The following DEFB110 variants were observed in gnomAD, a reference collection of about 807,000 sequenced individuals.
DEFB110 encodes defensin beta 110, also known as beta-defensin 110.
DEFB110 carries 4 observed loss-of-function variants against 2.5 expected under a neutral mutation model. That is an observed-to-expected ratio of 1.60 (90% confidence interval 0.79 to 3.66). The LOEUF (loss-of-function observed/expected upper bound fraction) is 3.66. DEFB110 is among the 30% of genes most tolerant of loss of function. The probability of loss-of-function intolerance (pLI) is 0.01; values close to 1 mark genes in which losing one functional copy is unlikely to be tolerated. For missense variants in DEFB110, 94 were observed against 75.4 expected (o/e 1.25, Z -0.91); for synonymous variants, 29 against 21.8 (o/e 1.33, Z -0.92).
intron 1 of DEFB110, among the ~76,000 whole-genome samples, chr6:50,019,908 C>T (rs596450): frequency 6.6e-6 from 1 of 152,046 alleles, no homozygotes; most frequent in Non-Finnish European, 1.5e-5. Context: ...GGCACGCAGA[C>T]ACACCCATTT....
downstream of DEFB110, among the ~76,000 whole-genome samples, chr6:50,015,968 A>T (rs1774308859): frequency 6.6e-6 from 1 of 151,866 alleles, no homozygotes; most frequent in Admixed American, 6.6e-5. Context: ...ATCAGTTTGT[A>T]GTCAATCAAT....
intron 1 of DEFB110, among the ~76,000 whole-genome samples, chr6:50,013,279 T>C (rs1774263033): frequency 6.6e-6 from 1 of 151,808 alleles, no homozygotes; most frequent in African/African-American, 2.4e-5. Context: ...GGCTGGATCT[T>C]TAAAAGATAA....
chr6:50,011,263 G>A (rs1279933821), intron 1 of DEFB110, among the ~76,000 whole-genome samples: 1 of 151,722 alleles, frequency 6.6e-6, no homozygotes, highest in Non-Finnish European at 1.5e-5. Context: ...AAGTGCATGA[G>A]TATTTATGTG....
At chr6:50,011,598 T>C (rs1177667303) in intron 1 of DEFB110, among the ~76,000 whole-genome samples, 1 of 152,020 alleles carries the variant, frequency 6.6e-6, no homozygotes, top group Non-Finnish European at 1.5e-5. Flanking sequence ...AAAAGCGCAG[T>C]GGTCTCCATG....
intron 1 of DEFB110, chr6:50,009,301 T>C (rs752472967): frequency 6.4e-7 from 1 of 1,569,192 alleles, no homozygotes; most frequent in Non-Finnish European, 8.6e-7. Flanking sequence ...CTAAAGTTAT[T>C]AGTCTATTAT....
downstream of DEFB110, chr6:50,018,727 G>A: frequency 1.1e-6 from 1 of 938,934 alleles, no homozygotes; most frequent in South Asian, 4.5e-5. Flanking sequence ...GGAACATGAA[G>A]CACTGAAAAC....
chr6:50,021,939 A>G lies in DEFB110; in HGVS notation c.-4T>C. ...AGAAAAAAAGTTGAATCTTCATGGT[A>G]GAGAGTTTCTTAAAAAAAGGGGGCA... On this transcript the variant is annotated 5_prime_UTR_variant, in exon 1 of 2. Coordinates refer to ENST00000371148, the MANE Select transcript of DEFB110 (RefSeq NM_001037497.2). 6.5e-7 allele frequency: 1 copy of G among 1,544,454 alleles called. No homozygotes were observed. The highest frequency in any genetic ancestry group is 2.4e-5 in the East Asian group (1 of 41,072).
At position 50,021,831 on chromosome 6, in the gene DEFB110, T is replaced by C. The variant is rs201736840; in HGVS notation, c.55+50A>G. The C allele has an allele frequency of 8.2e-5, 122 of 1,482,208 alleles. 1 individual carries two copies. The highest frequency in any genetic ancestry group is 2.3e-4 in the South Asian group (18 of 76,670). The allele number at this position is 1,482,208 out of a possible 1,614,324, so 91.8% of individuals were successfully genotyped here. A position where few individuals can be genotyped will look rare whatever the true frequency, so the allele number is the denominator to read the frequency against. ...ATATTTTTTATCAAGAAACAACTTATGTCTTCTCAAATTTGTTAGTATAAA... is the reference window on the plus strand; with the variant it reads ...ATATTTTTTATCAAGAAACAACTTACGTCTTCTCAAATTTGTTAGTATAAA... On this transcript the variant is annotated intron_variant, in intron 1 of 1. Coordinates refer to ENST00000371148, the MANE Select transcript of DEFB110 (RefSeq NM_001037497.2).
intron 1 of DEFB110, among the ~76,000 whole-genome samples, chr6:50,010,521 G>GT (rs1774209657): frequency 6.9e-6 from 1 of 145,112 alleles, no homozygotes; most frequent in African/African-American, 2.7e-5. Context: ...ATTTTAACAT[G>GT]TTAATATATA....
At chr6:50,013,918 C>T (rs1296869253), downstream of DEFB110, among the ~76,000 whole-genome samples, 1 of 151,832 alleles carries the variant, frequency 6.6e-6, no homozygotes, top group Admixed American at 6.6e-5. Flanking sequence ...TCGTTCTGGA[C>T]AAATTATGAT....
At position 50,018,897 on chromosome 6, in the gene DEFB110, C is replaced by A; in HGVS notation, c.*80G>T. 1.3e-6 allele frequency: 2 copies of A among 1,505,110 alleles called. No individual in the cohort carries two copies. The highest frequency in any genetic ancestry group is 2.3e-5 in the Admixed American group (1 of 43,322). 93.2% of individuals were successfully genotyped at this position (1,505,110 alleles called of 1,614,324 possible). A position where few individuals can be genotyped will look rare whatever the true frequency, so the allele number is the denominator to read the frequency against. ...TTCTTGTGTATTATAGAGACACACA[C>A]GCCTTGAAGGATGTGCTGGGAAAAC... On this transcript the variant is annotated 3_prime_UTR_variant, in exon 2 of 2. Coordinates refer to ENST00000371148, the MANE Select transcript of DEFB110 (RefSeq NM_001037497.2).
Position 50,010,221 on chromosome 6 carries a change from G to C in DEFB110, c.56-950C>G, listed in dbSNP as rs183908225. 4.5e-4 allele frequency among the ~76,000 whole-genome samples: 68 copies of C among 151,934 alleles called. 2 individuals are homozygous for C. The highest frequency in any genetic ancestry group is 1.3e-3 in the African/African-American group (56 of 41,490). On this transcript the variant is annotated intron_variant, in intron 1 of 1. Transcript: ENST00000393660. Reference sequence around the variant, plus strand: ...CATATATGTGTCAGGAAAAAATGAGGCAAAATAATTTTGTTAAAATTTAGA... The same window carrying C: ...CATATATGTGTCAGGAAAAAATGAGCCAAAATAATTTTGTTAAAATTTAGA...
At chr6:50,014,029 A>G (rs1410618892), downstream of DEFB110, among the ~76,000 whole-genome samples, 1 of 151,856 alleles carries the variant, frequency 6.6e-6, no homozygotes, top group Non-Finnish European at 1.5e-5. Context: ...AGGAGAAGTC[A>G]TTGGCATTAA....
chr6:50,020,284 G>C (rs1774396182), intron 1 of DEFB110, among the ~76,000 whole-genome samples: 1 of 152,002 alleles, frequency 6.6e-6, no homozygotes, highest in African/African-American at 2.4e-5. Flanking sequence ...AATATATTTA[G>C]GGGGTTTGAG....
intron 1 of DEFB110, among the ~76,000 whole-genome samples, chr6:50,019,430 T>C (rs997772897): frequency 2.0e-5 from 3 of 152,140 alleles, no homozygotes; most frequent in Admixed American, 6.6e-5. Flanking sequence ...ACTCTCTCTC[T>C]GCAATCATCT....
downstream of DEFB110, chr6:50,018,831 T>C: frequency 7.4e-7 from 1 of 1,352,714 alleles, no homozygotes; most frequent in Non-Finnish European, 9.5e-7. Context: ...GAGCGTGACA[T>C]ATGATCACTT....
At chr6:50,010,619 A>G (rs1167070941) in intron 1 of DEFB110, among the ~76,000 whole-genome samples, 1 of 149,520 alleles carries the variant, frequency 6.7e-6, no homozygotes, top group Non-Finnish European at 1.5e-5. Context: ...TATATTTTTG[A>G]TGTATATATA....
chr6:50,009,984 C>T (rs976185131), intron 1 of DEFB110, among the ~76,000 whole-genome samples: 7 of 151,936 alleles, frequency 4.6e-5, no homozygotes, highest in Non-Finnish European at 8.8e-5. Context: ...TATTTTGTTA[C>T]TTTAAAGTTT....
At chr6:50,009,210 A>C in exon 2 of DEFB110, 1 of 1,609,862 alleles carries the variant, frequency 6.2e-7, no homozygotes, top group South Asian at 1.1e-5. Flanking sequence ...AAAACGTTTT[A>C]CATATTCCTC....
Sources: gnomAD v4.1 joint callset for allele counts (sites outside exome capture counted in the v4.1 genomes callset) on GRCh38, gnomAD v4.1.1 for gene constraint, MANE v1.5 for transcripts, NCBI Gene and HGNC (gene_info 2026-07-23, HGNC 2026-07-21) for gene names.